The following CPLANE1 variants were observed in gnomAD, a reference collection of about 807,000 sequenced individuals.
The protein encoded by CPLANE1 is ciliogenesis and planar polarity effector complex subunit 1.
Under a neutral mutation model 362.5 loss-of-function variants are expected in CPLANE1, and 263 were observed. That is an observed-to-expected ratio of 0.73 (90% CI 0.66 to 0.80). The LOEUF is 0.80. Among genes scored for constraint, CPLANE1 ranks in the 30% least tolerant of loss-of-function variants. The pLI, the probability that CPLANE1 is intolerant of heterozygous loss-of-function variation, is 0.00. For synonymous variants in CPLANE1, 1,212 were observed against 1,302.6 expected (o/e 0.93, Z 1.50); for missense variants, 3,461 against 3,793.4 (o/e 0.91, Z 2.30).
intron 43 of CPLANE1, among the ~76,000 whole-genome samples, chr5:37,143,907 C>T (rs1770571884): frequency 6.7e-6 from 1 of 148,488 alleles, no homozygotes; most frequent in Non-Finnish European, 1.5e-5. Flanking sequence ...TGCACTCCAG[C>T]CTGGACAACA....
chr5:37,202,476 T>C (rs1192684431), intron 18 of CPLANE1, among the ~76,000 whole-genome samples: 2 of 152,106 alleles, frequency 1.3e-5, no homozygotes, highest in African/African-American at 4.8e-5. Context: ...TAATAGTACA[T>C]GATAGTACTT....
intron 44 of CPLANE1, chr5:37,140,981 G>A: frequency 4.1e-6 from 4 of 985,338 alleles, no homozygotes; most frequent in Non-Finnish European, 4.8e-6. Context: ...TTTGACATCA[G>A]ACCTAGTTAT....
At chr5:37,238,792 C>G in intron 8 of CPLANE1, 65 bp downstream of exon 8, 4 of 851,634 alleles carry the variant, frequency 4.7e-6, no homozygotes, top group Non-Finnish European at 7.0e-6. Flanking sequence ...AGCTACCACA[C>G]CTGACAGAGA....
chr5:37,123,178 A>G (rs1285288717), intron 47 of CPLANE1, among the ~76,000 whole-genome samples: 1 of 152,230 alleles, frequency 6.6e-6, no homozygotes, highest in African/African-American at 2.4e-5. Flanking sequence ...ACTGTGACTC[A>G]TAAACTCTTC....
intron 12 of CPLANE1, among the ~76,000 whole-genome samples, chr5:37,225,790 T>C (rs1239539913): frequency 6.8e-6 from 1 of 146,806 alleles, no homozygotes; most frequent in Non-Finnish European, 1.5e-5. Context: ...GAGGCGGAGG[T>C]TGCAGTGAGC....
intron 45 of CPLANE1, 132 bp downstream of exon 45, chr5:37,139,208 C>A: frequency 3.6e-6 from 3 of 837,078 alleles, no homozygotes; most frequent in South Asian, 2.3e-5. Context: ...TATTCCATAC[C>A]CAATGAAAAC....
chr5:37,095,198 A>G, the CPLANE1 span, among the ~76,000 whole-genome samples: 3 of 152,224 alleles, frequency 2.0e-5, no homozygotes, highest in African/African-American at 7.2e-5. Flanking sequence ...AATACTAGCT[A>G]ACAGAATCCA....
Position 37,209,007 on chromosome 5 carries a change from A to G in CPLANE1, c.2921-2582T>C, listed in dbSNP as rs1238595910. On this transcript the variant is annotated intron_variant, in intron 16 of 52. Coordinates refer to ENST00000651892, the MANE Select transcript of CPLANE1 (RefSeq NM_001384732.1). This position sits in a 1 kb window ranked among gnomAD's most constrained non-coding sequence, Gnocchi z 4.6. ...TAGCTCTCCAGAACGGGAAGGCTGT[A>G]CTGAGCCGGTCTCGGGAGACGAAGG... Among the ~76,000 whole-genome samples the G allele has an allele frequency of 6.6e-6, 1 of 151,696 alleles. No individual in the cohort carries two copies. Among genetic ancestry groups the G allele is most frequent in the Non-Finnish European group, 1.5e-5 (1 of 68,002 alleles).
Position 37,106,581 on chromosome 5 carries a change from A to T in CPLANE1, c.*1021T>A, listed in dbSNP as rs1354800134. 1 of 438,354 alleles carries T rather than the reference A, an allele frequency of 2.3e-6. No homozygotes were observed. Among genetic ancestry groups the T allele is most frequent in the Non-Finnish European group, 3.0e-6 (1 of 329,884 alleles). 27.2% of individuals were successfully genotyped at this position (438,354 alleles called of 1,614,324 possible). The stretch of plus-strand genomic sequence containing the variant: ...AATTAACAATAATGTTAGCCTATAA[A>T]GCTATTTTCTAAAACAATTTGGTAA... On this transcript the variant is annotated 3_prime_UTR_variant, in exon 53 of 53. Coordinates refer to ENST00000651892, the MANE Select transcript of CPLANE1 (RefSeq NM_001384732.1).
intron 2 of CPLANE1, 136 bp from the exon 3 acceptor site, chr5:37,245,981 A>G: frequency 1.2e-6 from 1 of 856,232 alleles, no homozygotes. Context: ...TAAAATGAAC[A>G]TTAAGCTTAA....
chr5:37,207,854 C>A (rs561206922), intron 16 of CPLANE1, among the ~76,000 whole-genome samples: 38 of 152,336 alleles, frequency 2.5e-4, no homozygotes, highest in African/African-American at 8.7e-4. Context: ...TGGCTTACAT[C>A]ATCTGGCCCC....
chr5:37,181,478 T>C (rs1333821553), intron 26 of CPLANE1, among the ~76,000 whole-genome samples: 7 of 152,126 alleles, frequency 4.6e-5, no homozygotes, highest in Non-Finnish European at 1.5e-5. Context: ...AATATCACAG[T>C]ATCATATAAA....
downstream of CPLANE1, among the ~76,000 whole-genome samples, chr5:37,105,035 C>T (rs1162782810): frequency 1.3e-5 from 2 of 152,192 alleles, no homozygotes; most frequent in Non-Finnish European, 2.9e-5. Context: ...GGTGCAGTGG[C>T]CCATCCCTCT....
rs2150440117 is a variant in CPLANE1, at chr5:37,226,847, C to T, written c.1748G>A (p.Gly583Glu). The change falls in exon 12 of 53, where the codon GGA becomes GAA. Residue 583 changes from glycine to glutamate, a missense_variant. Around this residue, in one of 2 missense-constraint regions of CPLANE1, gnomAD observed 3,380 missense variants for 3,666.1 expected, o/e 0.92. Transcript: ENST00000651892. The stretch of plus-strand genomic sequence containing the variant: ...TTTTTCTGTCACAGTTTTTGAAATT[C>T]CTATAGTCCACGCTGCAAGTAGACT... ...QKSLLAAWTI[G>E]ISKTVTEKNL... The T allele has an allele frequency of 1.4e-5, 22 of 1,550,966 alleles. No individual in the cohort carries two copies. Among genetic ancestry groups the T allele is most frequent in the Non-Finnish European group, 1.9e-5 (22 of 1,146,814 alleles).
In CPLANE1 at chr5:37,227,564, A is replaced by G. The variant is rs1000806661; in HGVS notation, c.1371+4T>C. ...TTCCCCAATGATATAAAAAAGCACTATACCTTAGACAATATCACACTTTGA... is the reference window on the plus strand; with the variant it reads ...TTCCCCAATGATATAAAAAAGCACTGTACCTTAGACAATATCACACTTTGA... On this transcript the variant is annotated splice_donor_region_variant and intron_variant, in intron 10 of 52. Coordinates refer to ENST00000651892, the MANE Select transcript of CPLANE1 (RefSeq NM_001384732.1). 2 of 1,538,752 alleles carry G rather than the reference A, an allele frequency of 1.3e-6. No homozygotes were observed. The highest frequency in any genetic ancestry group is 4.2e-5 in the Admixed American group (2 of 47,626).
intron 45 of CPLANE1, 118 bp downstream of exon 45, chr5:37,139,222 T>A: frequency 9.9e-7 from 1 of 1,006,926 alleles, no homozygotes; most frequent in Non-Finnish European, 1.4e-6. Context: ...TGAAAACTTA[T>A]ATTCCTTTAA....
At chr5:37,079,591 A>T in the CPLANE1 span, among the ~76,000 whole-genome samples, 21 of 152,182 alleles carry the variant, frequency 1.4e-4, no homozygotes, top group Admixed American at 5.9e-4. Flanking sequence ...AACCAATCTT[A>T]CCTAAAAGTC....
Position 37,214,988 on chromosome 5 carries a change from T to C in CPLANE1, c.2747-1256A>G, listed in dbSNP as rs115929631. Among the ~76,000 whole-genome samples, 1,180 of 152,350 alleles carry C rather than the reference T, an allele frequency of 7.7e-3. 18 individuals carry two copies. Among genetic ancestry groups the C allele is most frequent in the African/African-American group, 0.027 (1,133 of 41,586 alleles). On this transcript the variant is annotated intron_variant, in intron 15 of 52. Coordinates refer to ENST00000651892, the MANE Select transcript of CPLANE1 (RefSeq NM_001384732.1). ...TCAGACAATTAATCTTGGAAACAGA[T>C]AACATAAACTTGTGGTATCAATAAA... is the stretch of plus-strand genomic sequence containing the variant.
In CPLANE1 at chr5:37,195,840, A is replaced by C. The variant is rs1420931581; in HGVS notation, c.3811+18T>G. On this transcript the variant is annotated intron_variant, in intron 21 of 52. Coordinates refer to ENST00000651892, the MANE Select transcript of CPLANE1 (RefSeq NM_001384732.1). Reference sequence around the variant, plus strand: ...ACCATCATTCATACTCTAAGCAAGCAGTTCATTTTGGACAAACCTATTGCT... The same window carrying C: ...ACCATCATTCATACTCTAAGCAAGCCGTTCATTTTGGACAAACCTATTGCT... 3 of 1,599,594 alleles carry C rather than the reference A, an allele frequency of 1.9e-6. No homozygotes were observed. The African/African-American group carries it at 4.1e-5, about 22-fold the overall frequency.
Sources: allele counts gnomAD v4.1 joint callset (sites outside exome capture counted in the v4.1 genomes callset), GRCh38; gene constraint gnomAD v4.1.1; regional missense constraint gnomAD v4.1.1; non-coding constraint Gnocchi (gnomAD v3.1); transcripts MANE v1.5; gene names NCBI Gene and HGNC (gene_info 2026-07-23, HGNC 2026-07-21).